The following SORCS3 variants were observed in gnomAD, a reference collection of about 807,000 sequenced individuals.
SORCS3 encodes VPS10 domain-containing receptor SorCS3.
In SORCS3, 57 loss-of-function variants were observed where a neutral mutation model predicts 146.3. That is an observed-to-expected ratio of 0.39 (90% CI 0.31 to 0.49). SORCS3 has a LOEUF of 0.49. SORCS3 is among the 20% of genes least tolerant of loss of function. SORCS3 has a pLI of 0.92. For missense variants in SORCS3, 1,341 were observed against 1,575.5 expected (o/e 0.85, Z 2.52); for synonymous variants, 653 against 618.5 (o/e 1.06, Z -0.83).
intron 1 of SORCS3, among the ~76,000 whole-genome samples, chr10:104,749,888 C>T (rs978026123): frequency 6.6e-6 from 1 of 152,042 alleles, no homozygotes; most frequent in South Asian, 2.1e-4. Context: ...TTTCCTGAGT[C>T]TGTACTATTT....
At chr10:105,100,325 A>G (rs555736649) in intron 6 of SORCS3, among the ~76,000 whole-genome samples, 1 of 152,340 alleles carries the variant, frequency 6.6e-6, no homozygotes, top group African/African-American at 2.4e-5. Flanking sequence ...TCTAGTTTTT[A>G]CATAGGGATA....
At chr10:104,688,152 A>T (rs764308233) in intron 1 of SORCS3, among the ~76,000 whole-genome samples, 11 of 152,236 alleles carry the variant, frequency 7.2e-5, no homozygotes, top group Non-Finnish European at 1.5e-4. Context: ...TGAGTCTCCC[A>T]GAAGCGGGTC....
chr10:104,798,657 A>G (rs1169634543), intron 1 of SORCS3, among the ~76,000 whole-genome samples: 2 of 152,196 alleles, frequency 1.3e-5, no homozygotes, highest in Non-Finnish European at 2.9e-5. Flanking sequence ...CATATAATCT[A>G]GTGCTCATGC....
At chr10:104,832,479 A>AGTGCCAAAGTG (rs1184922727) in intron 1 of SORCS3, among the ~76,000 whole-genome samples, 3 of 152,184 alleles carry the variant, frequency 2.0e-5, no homozygotes, top group Non-Finnish European at 4.4e-5. Context: ...GCACTTTGGG[A>AGTGCCAAAGTG]GGCCAAGGTG....
chr10:104,936,764 T>C (rs2019264405), intron 3 of SORCS3, among the ~76,000 whole-genome samples: 3 of 152,238 alleles, frequency 2.0e-5, no homozygotes, highest in Admixed American at 2.0e-4. Flanking sequence ...CCCAGACTGC[T>C]ATCAATTCAG....
At chr10:105,144,174 G>A (rs1314852021) in intron 8 of SORCS3, among the ~76,000 whole-genome samples, 5 of 152,162 alleles carry the variant, frequency 3.3e-5, no homozygotes, top group Non-Finnish European at 5.9e-5. Flanking sequence ...ACCTCCTTCA[G>A]AGGGAAACTG....
chr10:104,795,671 C>A (rs1016389249), intron 1 of SORCS3, among the ~76,000 whole-genome samples: 2 of 152,184 alleles, frequency 1.3e-5, no homozygotes, highest in African/African-American at 4.8e-5. Flanking sequence ...TTTCACATGC[C>A]CCCTAAGGGG....
At chr10:105,050,023 G>GTA (rs752708716) in intron 5 of SORCS3, among the ~76,000 whole-genome samples, 6 of 142,284 alleles carry the variant, frequency 4.2e-5, no homozygotes, top group South Asian at 2.1e-4. Flanking sequence ...ATGTGTATGT[G>GTA]TATATATATA....
At chr10:104,983,627 G>C (rs11815688) in intron 4 of SORCS3, among the ~76,000 whole-genome samples, 6,450 of 152,132 alleles carry the variant, frequency 0.042, 426 homozygotes, top group African/African-American at 0.14. Context: ...TCTATGAGCT[G>C]ACCTTGTCTT....
chr10:104,682,348 C>T lies in SORCS3; in HGVS notation c.627+40394C>T, dbSNP rs1436086222. Among the ~76,000 whole-genome samples the T allele has an allele frequency of 3.3e-5, 5 of 152,334 alleles. No individual in the cohort carries two copies. The South Asian group carries it at 6.2e-4, about 19-fold the overall frequency. ...GGGCTGCATGGCCTGGACTCTTGCA[C>T]GTATCACCTTTGTGAAGCTGGGCCA... is the stretch of plus-strand genomic sequence containing the variant. On this transcript the variant is annotated intron_variant, in intron 1 of 26. Coordinates refer to ENST00000369701, the MANE Select transcript of SORCS3 (RefSeq NM_014978.3).
intron 24 of SORCS3, among the ~76,000 whole-genome samples, chr10:105,256,173 G>A (rs188397840): frequency 1.3e-5 from 2 of 152,262 alleles, no homozygotes; most frequent in Admixed American, 6.5e-5. Context: ...CTGATTTTAT[G>A]AATCTTGGAT....
intron 3 of SORCS3, among the ~76,000 whole-genome samples, chr10:104,961,970 T>C (rs898035466): frequency 6.6e-6 from 1 of 152,238 alleles, no homozygotes; most frequent in African/African-American, 2.4e-5. Context: ...AATATCAAGG[T>C]GGCAAAGTGA....
rs529310249 is a variant in SORCS3 at position 105,134,558 on chromosome 10, A to G, written c.1213-4839A>G. 5.7e-5 allele frequency among the ~76,000 whole-genome samples: 8 copies of G among 139,940 alleles called. No individual in the cohort carries two copies. In the East Asian group the frequency reaches 1.4e-3, roughly 24 times the overall value. 91.8% of individuals were successfully genotyped at this position (139,940 alleles called of 152,430 possible). On this transcript the variant is annotated intron_variant, in intron 7 of 26. Transcript: ENST00000369701. ...GAAGGATAGAAGGGACAAAAAGGAA[A>G]AAAAAAAAAAAAAGAAGCCTAGCTA...
intron 14 of SORCS3, among the ~76,000 whole-genome samples, chr10:105,178,461 T>G (rs2119560865): frequency 6.6e-6 from 1 of 152,264 alleles, no homozygotes; most frequent in Non-Finnish European, 1.5e-5. Context: ...ACAGAAAACT[T>G]ATGTCGTTAG....
intron 4 of SORCS3, among the ~76,000 whole-genome samples, chr10:105,003,634 G>A (rs2055074648): frequency 6.6e-6 from 1 of 152,164 alleles, no homozygotes. Context: ...TACATAAACT[G>A]TACAAACCAC....
At chr10:104,769,436 T>C (rs1333862252) in intron 1 of SORCS3, among the ~76,000 whole-genome samples, 4 of 152,194 alleles carry the variant, frequency 2.6e-5, no homozygotes, top group Non-Finnish European at 5.9e-5. Flanking sequence ...TGAACATTCC[T>C]ACTCCTTGAA....
intron 7 of SORCS3, among the ~76,000 whole-genome samples, chr10:105,117,304 G>A (rs1334117278): frequency 6.6e-6 from 1 of 152,106 alleles, no homozygotes; most frequent in Non-Finnish European, 1.5e-5. Context: ...CTTGACTCAG[G>A]CTTTACTTTT....
intron 1 of SORCS3, among the ~76,000 whole-genome samples, chr10:104,811,727 G>A (rs1440880716): frequency 6.6e-6 from 1 of 152,188 alleles, no homozygotes; most frequent in Admixed American, 6.5e-5. Context: ...GGCTCATTTA[G>A]CGGAGCGGTG....
rs114138170 is a variant in SORCS3, at chr10:104,739,113, G to A, written c.627+97159G>A. The stretch of plus-strand genomic sequence containing the variant: ...TACACAAACCTCAGCCTCCAGCAGC[G>A]CCTGCCCAGCACAGGTATCATCACT... On this transcript the variant is annotated intron_variant, in intron 1 of 26. Coordinates refer to ENST00000369701, the MANE Select transcript of SORCS3 (RefSeq NM_014978.3). Among the ~76,000 whole-genome samples the A allele has an allele frequency of 4.9e-3, 749 of 152,244 alleles. 5 individuals carry two copies. Among genetic ancestry groups the A allele is most frequent in the African/African-American group, 0.017 (696 of 41,540 alleles).
Sources: gnomAD v4.1 joint callset for allele counts (sites outside exome capture counted in the v4.1 genomes callset) on GRCh38, gnomAD v4.1.1 for gene constraint, MANE v1.5 for transcripts, NCBI Gene and HGNC (gene_info 2026-07-23, HGNC 2026-07-21) for gene names.